The following EPHB1 variants were observed in gnomAD, a reference collection of about 807,000 sequenced individuals.
EPHB1 encodes EPH receptor B1, also known as ephrin type-B receptor 1.
EPHB1 carries 30 observed loss-of-function variants against 94.4 expected under a neutral mutation model. The ratio of observed to expected loss-of-function variants is 0.32; its 90% CI spans 0.24 to 0.43. The LOEUF (loss-of-function observed/expected upper bound fraction) is 0.43. EPHB1 is among the 20% of genes least tolerant of loss of function. The probability of loss-of-function intolerance (pLI) is 1.00; values close to 1 mark genes in which losing one functional copy is unlikely to be tolerated. For missense variants in EPHB1, 1,055 were observed against 1,308.3 expected, an observed-to-expected ratio of 0.81 and a Z score of 2.99; for synonymous variants, 522 against 489.1, an observed-to-expected ratio of 1.07 and a Z score of -0.89.
rs182186135 is a variant in EPHB1 at position 135,177,930 on chromosome 3, C to T, written c.1760-1930C>T. Among the ~76,000 whole-genome samples, 104 of 152,318 alleles carry T rather than the reference C, an allele frequency of 6.8e-4. 1 individual carries two copies. Among genetic ancestry groups the T allele is most frequent in the Admixed American group, 6.7e-3 (102 of 15,310 alleles). ...GCAGAAGTCTCTTCCTACACACGCA[C>T]ATCCCTGATATCCATCCTGGGGACT... On this transcript the variant is annotated intron_variant, in intron 9 of 15. Coordinates refer to ENST00000398015, the MANE Select transcript of EPHB1 (RefSeq NM_004441.5).
Position 135,201,747 on chromosome 3 carries a change from C to T in EPHB1, c.2346+58C>T, listed in dbSNP as rs1195932655. On this transcript the variant is annotated intron_variant, in intron 12 of 15. Transcript: ENST00000398015. ...ATGGCATGAGTTAAAGGGGACTCTA[C>T]ATGGCTGGGAACTGTGACAGGGCAC... is the stretch of plus-strand genomic sequence containing the variant. The T allele has an allele frequency of 7.8e-6, 12 of 1,529,438 alleles. No individual in the cohort carries two copies. The East Asian group carries it at 2.7e-4, about 35-fold the overall frequency. The allele number at this position is 1,529,438 out of a possible 1,614,324, so 94.7% of individuals were successfully genotyped here.
At chr3:134,915,500 G>A (rs2038546155) in intron 1 of EPHB1, among the ~76,000 whole-genome samples, 2 of 152,178 alleles carry the variant, frequency 1.3e-5, no homozygotes, top group Admixed American at 1.3e-4. Flanking sequence ...GTATGGCCCT[G>A]ATACTGTGTC....
At chr3:135,047,370 C>G (rs1937026541) in intron 3 of EPHB1, among the ~76,000 whole-genome samples, 1 of 152,196 alleles carries the variant, frequency 6.6e-6, no homozygotes, top group Non-Finnish European at 1.5e-5. Flanking sequence ...AGACAGGTGC[C>G]TGAGTTTCCC....
intron 4 of EPHB1, among the ~76,000 whole-genome samples, chr3:135,131,999 AG>A (rs1272259436): frequency 6.6e-6 from 1 of 152,136 alleles, no homozygotes; most frequent in East Asian, 1.9e-4. Flanking sequence ...TCTTCCTGGT[AG>A]GGGTCTTTGG....
chr3:134,823,277 C>A (rs892440648), intron 1 of EPHB1, among the ~76,000 whole-genome samples: 1 of 152,180 alleles, frequency 6.6e-6, no homozygotes, highest in Non-Finnish European at 1.5e-5. Context: ...GCTTAGCTGG[C>A]AGATCGCAGG....
chr3:135,235,857 A>T (rs1187892025), intron 12 of EPHB1, among the ~76,000 whole-genome samples: 1 of 152,148 alleles, frequency 6.6e-6, no homozygotes, highest in Non-Finnish European at 1.5e-5. Flanking sequence ...CCGAGGTCTG[A>T]TCAACAGCAG....
At chr3:135,210,306 TG>T (rs1943003039) in intron 12 of EPHB1, among the ~76,000 whole-genome samples, 1 of 152,200 alleles carries the variant, frequency 6.6e-6, no homozygotes, top group Admixed American at 6.5e-5. Flanking sequence ...TTAAACATTT[TG>T]ACTTTTATAT....
chr3:134,863,800 C>T (rs1232432495), intron 1 of EPHB1, among the ~76,000 whole-genome samples: 1 of 152,234 alleles, frequency 6.6e-6, no homozygotes, highest in East Asian at 1.9e-4. Flanking sequence ...CTCAGGAAAG[C>T]CAGGCCTGCC....
chr3:135,194,721 G>C (rs903767414), intron 11 of EPHB1, among the ~76,000 whole-genome samples: 4 of 152,156 alleles, frequency 2.6e-5, no homozygotes, highest in African/African-American at 9.7e-5. Flanking sequence ...GTTTTTCTGA[G>C]GGTGCAGGGG....
intron 1 of EPHB1, among the ~76,000 whole-genome samples, chr3:134,851,614 G>C (rs2036986480): frequency 6.6e-6 from 1 of 152,184 alleles, no homozygotes. Flanking sequence ...GTCCCTCATG[G>C]GGGCAAAACC....
chr3:135,076,319 T>G (rs1258918892), intron 3 of EPHB1, among the ~76,000 whole-genome samples: 1 of 149,816 alleles, frequency 6.7e-6, no homozygotes, highest in Non-Finnish European at 1.5e-5. Flanking sequence ...AGCAAAAATA[T>G]GCATGGGGAT....
intron 5 of EPHB1, among the ~76,000 whole-genome samples, chr3:135,148,418 A>G (rs1941085137): frequency 1.3e-5 from 2 of 152,110 alleles, no homozygotes; most frequent in African/African-American, 4.8e-5. Flanking sequence ...TTAACTTTTG[A>G]GATAGAGTCA....
intron 1 of EPHB1, among the ~76,000 whole-genome samples, chr3:134,912,585 G>A (rs1325748436): frequency 1.3e-5 from 2 of 152,222 alleles, no homozygotes; most frequent in African/African-American, 4.8e-5. Flanking sequence ...CTCTGTGTCA[G>A]GAAGGAATCT....
Position 135,095,865 on chromosome 3 carries a change from C to T in EPHB1, c.806-10583C>T, listed in dbSNP as rs774655268. ...GCCTGTTATAGGGGGCTTATATCTT[C>T]TTTATGCCTTCACTTAGATGTCGCT... On this transcript the variant is annotated intron_variant, in intron 3 of 15. Coordinates refer to ENST00000398015, the MANE Select transcript of EPHB1 (RefSeq NM_004441.5). Among the ~76,000 whole-genome samples, 24 of 152,328 alleles carry T rather than the reference C, an allele frequency of 1.6e-4. No individual in the cohort carries two copies. In the Middle Eastern group the frequency reaches 0.02, roughly 130 times the overall value.
At chr3:135,046,259 C>A (rs1017981473) in intron 3 of EPHB1, among the ~76,000 whole-genome samples, 5 of 152,222 alleles carry the variant, frequency 3.3e-5, no homozygotes, top group Non-Finnish European at 7.3e-5. Flanking sequence ...GCTGCTCTAG[C>A]AAGTGCTTTG....
chr3:135,006,992 G>A (rs964903623), intron 3 of EPHB1, among the ~76,000 whole-genome samples: 2 of 152,158 alleles, frequency 1.3e-5, no homozygotes, highest in African/African-American at 2.4e-5. Context: ...TGTGAATGGA[G>A]GTGAGACCCA....
At chr3:135,099,245 C>A (rs143231061) in intron 3 of EPHB1, among the ~76,000 whole-genome samples, 85 of 152,246 alleles carry the variant, frequency 5.6e-4, no homozygotes, top group African/African-American at 1.9e-3. Flanking sequence ...AAGGGAAATA[C>A]AAAGATGGCA....
At chr3:135,225,305 C>A (rs1033398259) in intron 12 of EPHB1, among the ~76,000 whole-genome samples, 2 of 152,166 alleles carry the variant, frequency 1.3e-5, no homozygotes, top group African/African-American at 4.8e-5. Flanking sequence ...GGATGCAGAA[C>A]CTCCAGGGTC....
intron 1 of EPHB1, among the ~76,000 whole-genome samples, chr3:134,819,436 G>T (rs937985987): frequency 3.9e-5 from 6 of 152,196 alleles, no homozygotes; most frequent in Non-Finnish European, 7.3e-5. Flanking sequence ...CACTTGACCA[G>T]TCTGTAGGTG....
Sources: allele counts gnomAD v4.1 joint callset (sites outside exome capture counted in the v4.1 genomes callset), GRCh38; gene constraint gnomAD v4.1.1; transcripts MANE v1.5; gene names NCBI Gene and HGNC (gene_info 2026-07-23, HGNC 2026-07-21).